TUBB4B: variants seen among roughly 807,000 people sequenced by gnomAD.
TUBB4B encodes the protein tubulin beta-4B chain.
Under a neutral mutation model 34.3 loss-of-function variants are expected in TUBB4B, and 7 were observed. The ratio of observed to expected loss-of-function variants is 0.20; its 90% CI spans 0.12 to 0.38. TUBB4B has a LOEUF of 0.38. Ranked by LOEUF, TUBB4B falls within the 10% of genes least tolerant of loss-of-function variation. TUBB4B has a pLI of 1.00. For synonymous variants in TUBB4B, 390 were observed against 250.2 expected (o/e 1.56, Z -5.27); for missense variants, 178 against 610.9 (o/e 0.29, Z 7.47).
chr9:137,242,752 A>C lies in TUBB4B; in HGVS notation c.534A>C (p.Thr178=). The C allele has an allele frequency of 6.2e-7, 1 of 1,613,862 alleles. No individual in the cohort carries two copies. Among genetic ancestry groups the C allele is most frequent in the Admixed American group, 1.7e-5 (1 of 60,032 alleles). The change falls in exon 4 of 4, where the codon ACA becomes ACC. Residue 178 remains threonine, a synonymous_variant. Transcript: ENST00000340384. ...SVVPSPKVSD[T]VVEPYNATLS... ...TGCCTTCGCCCAAAGTGTCAGACAC[A>C]GTGGTGGAGCCCTACAACGCCACCC...
At position 137,242,782 on chromosome 9, in the gene TUBB4B, A is replaced by G; in HGVS notation, c.564A>G (p.Ser188=). 1 of 1,613,908 alleles carries G rather than the reference A, an allele frequency of 6.2e-7. No individual in the cohort carries two copies. Among genetic ancestry groups the G allele is most frequent in the Non-Finnish European group, 8.5e-7 (1 of 1,180,026 alleles). The change falls in exon 4 of 4, where the codon TCA becomes TCG. Residue 188 remains serine (S), a synonymous_variant. Coordinates refer to ENST00000340384, the MANE Select transcript of TUBB4B (RefSeq NM_006088.6). ...TGGAGCCCTACAACGCCACCCTCTC[A>G]GTCCACCAGCTCGTAGAAAACACAG... ...TVVEPYNATL[S]VHQLVENTDE... is the part of the protein sequence containing the mutation.
rs763934738 is a variant in TUBB4B at position 137,243,562 on chromosome 9, T to C, written c.*6T>C. 3 of 1,613,700 alleles carry C rather than the reference T, an allele frequency of 1.9e-6. No homozygotes were observed. The highest frequency in any genetic ancestry group is 2.5e-6 in the Non-Finnish European group (3 of 1,179,746). On this transcript the variant is annotated 3_prime_UTR_variant, in exon 4 of 4. Transcript: ENST00000340384. ...CTGAGGAGGAGGTGGCCTAGAGCCT[T>C]CAGTCACTGGGGAAAGCAGGGAAGC... is the stretch of plus-strand genomic sequence containing the variant.
chr9:137,241,834 G>A lies in TUBB4B; in HGVS notation c.166+5G>A. On this transcript the variant is annotated splice_donor_5th_base_variant and intron_variant, in intron 2 of 3. Transcript: ENST00000340384. ...TGTACTACAATGAGGCCACCGGTGA[G>A]GCCCCGGCCCCTTCCCCGACCGCCC... 2 of 1,612,214 alleles carry A rather than the reference G, an allele frequency of 1.2e-6. No homozygotes were observed. Among genetic ancestry groups the A allele is most frequent in the Non-Finnish European group, 1.7e-6 (2 of 1,179,554 alleles).
chr9:137,241,778 G>A lies in TUBB4B; in HGVS notation c.115G>A (p.Asp39Asn), dbSNP rs1298680972. The A allele has an allele frequency of 1.2e-6, 2 of 1,612,352 alleles. No individual in the cohort carries two copies. Among genetic ancestry groups the A allele is most frequent in the Non-Finnish European group, 8.5e-7 (1 of 1,179,602 alleles). ...CGACCCCACGGGCACCTACCACGGG[G>A]ACAGCGACCTGCAGCTGGAACGCAT... ...GIDPTGTYHG[D>N]SDLQLERINV... Residue 39 changes from aspartate to asparagine, a missense_variant, in exon 2 of 4, where the codon GAC becomes AAC. Asp to Asn is a conservative substitution (Grantham distance 23). Transcript: ENST00000340384.
At chr9:137,242,042 G>C in intron 3 of TUBB4B, 21 bp downstream of exon 3, 1 of 1,607,286 alleles carries the variant, frequency 6.2e-7, no homozygotes, top group South Asian at 1.1e-5. Flanking sequence ...GCTGGGGACT[G>C]GGCGGCGGCT....
In TUBB4B at chr9:137,242,696, C is replaced by T; in HGVS notation, c.478C>T (p.Pro160Ser). The change falls in exon 4 of 4, where the codon CCA (proline) becomes TCA (serine). Residue 160 changes from proline to serine, a missense_variant. Transcript: ENST00000340384. ...LLISKIREEY[P>S]DRIMNTFSVV... ...CATCAGCAAGATCCGGGAGGAGTAC[C>T]CAGACAGGATCATGAACACGTTTAG... is the stretch of plus-strand genomic sequence containing the variant. 1 of 1,613,664 alleles carries T rather than the reference C, an allele frequency of 6.2e-7. No individual in the cohort carries two copies. Among genetic ancestry groups the T allele is most frequent in the Non-Finnish European group, 8.5e-7 (1 of 1,180,020 alleles).
Position 137,241,340 on chromosome 9 carries a change from C to CCCGCCGCCG in TUBB4B, c.-12_-4dup, listed in dbSNP as rs370341505. The CCCGCCGCCG allele has an allele frequency of 1.8e-5, 28 of 1,590,700 alleles. No homozygotes were observed. The highest frequency in any genetic ancestry group is 4.1e-5 in the African/African-American group (3 of 73,626). On this transcript the variant is annotated 5_prime_UTR_variant, in exon 1 of 4. Transcript: ENST00000340384. ...CTGTTTGTCTACTTCCTCCTGCTTC[C>CCCGCCGCCG]CCGCCGCCGCCGCCGCCATCATGAG...
intron 3 of TUBB4B, 33 bp from the exon 4 acceptor site, chr9:137,242,463 G>A (rs760232264): frequency 2.3e-5 from 36 of 1,598,988 alleles, no homozygotes; most frequent in Non-Finnish European, 3.1e-5. Flanking sequence ...CTGTCTACCT[G>A]GCTGACAAAT....
Position 137,243,023 on chromosome 9 carries a change from G to A in TUBB4B, c.805G>A (p.Gly269Ser). 1 of 1,612,872 alleles carries A rather than the reference G, an allele frequency of 6.2e-7. No individual in the cohort carries two copies. The highest frequency in any genetic ancestry group is 8.5e-7 in the Non-Finnish European group (1 of 1,180,022). Residue 269 changes from glycine to serine, a missense_variant, in exon 4 of 4, where the codon GGC becomes AGC. Gly to Ser is a moderately conservative substitution (Grantham distance 56). Coordinates refer to ENST00000340384, the MANE Select transcript of TUBB4B (RefSeq NM_006088.6). The part of the protein sequence containing the change: ...PFPRLHFFMP[G>S]FAPLTSRGSQ... The stretch of plus-strand genomic sequence containing the variant: ...TCCCCGGCTGCACTTCTTCATGCCC[G>A]GCTTTGCCCCACTGACCAGCCGGGG...
intron 3 of TUBB4B, 100 bp downstream of exon 3, chr9:137,242,121 C>T (rs571742816): frequency 2.4e-5 from 29 of 1,195,022 alleles, no homozygotes; most frequent in Admixed American, 1.0e-4. Flanking sequence ...TGGACGCCCT[C>T]CTCTTCTCTG....
chr9:137,242,776 C>T lies in TUBB4B; in HGVS notation c.558C>T (p.Thr186=), dbSNP rs139387946. 1.7e-5 allele frequency: 28 copies of T among 1,613,860 alleles called. No individual in the cohort carries two copies. The highest frequency in any genetic ancestry group is 1.2e-4 in the African/African-American group (9 of 75,040). The change falls in exon 4 of 4, where the codon ACC becomes ACT. Residue 186 remains threonine (T), a synonymous_variant. Coordinates refer to ENST00000340384, the MANE Select transcript of TUBB4B (RefSeq NM_006088.6). ...CAGTGGTGGAGCCCTACAACGCCAC[C>T]CTCTCAGTCCACCAGCTCGTAGAAA... is the stretch of plus-strand genomic sequence containing the variant. ...SDTVVEPYNA[T]LSVHQLVENT...
At chr9:137,242,421 C>A (rs1473881510) in intron 3 of TUBB4B, 75 bp from the exon 4 acceptor site, 3 of 1,536,500 alleles carry the variant, frequency 2.0e-6, no homozygotes, top group Admixed American at 1.8e-5. Context: ...CCATGTCACT[C>A]GGCTTTTTTC....
chr9:137,241,587 G>T (rs1836743438), intron 1 of TUBB4B, 134 bp from the exon 2 acceptor site: 3 of 696,484 alleles, frequency 4.3e-6, no homozygotes, highest in South Asian at 6.3e-5. Context: ...GAACCCGGCG[G>T]CCAGGGCGCG....
chr9:137,242,632 C>G lies in TUBB4B; in HGVS notation c.414C>G (p.Ser138=). ...DCLQGFQLTH[S]LGGGTGSGMG... Reference sequence around the variant, plus strand: ...TGCAGGGTTTCCAGCTGACCCACTCCCTGGGTGGGGGGACTGGGTCTGGGA... The same window carrying G: ...TGCAGGGTTTCCAGCTGACCCACTCGCTGGGTGGGGGGACTGGGTCTGGGA... The change falls in exon 4 of 4, where the codon TCC becomes TCG. Residue 138 remains serine (S), a synonymous_variant. Coordinates refer to ENST00000340384, the MANE Select transcript of TUBB4B (RefSeq NM_006088.6). The G allele has an allele frequency of 6.2e-7, 1 of 1,613,662 alleles. No homozygotes were observed.
intron 1 of TUBB4B, 102 bp from the exon 2 acceptor site, chr9:137,241,619 A>C (rs919490320): frequency 9.5e-6 from 5 of 527,320 alleles, no homozygotes; most frequent in Non-Finnish European, 1.2e-5. Context: ...AGGGGCGGGG[A>C]GGGCCGGGCT....
rs113210630 is a variant in TUBB4B at position 137,243,316 on chromosome 9, C to T, written c.1098C>T (p.Thr366=). 63 of 1,613,516 alleles carry T rather than the reference C, an allele frequency of 3.9e-5. No homozygotes were observed. The Middle Eastern group carries it at 1.2e-3, about 30-fold the overall frequency. ...IPPRGLKMSA[T]FIGNSTAIQE... ...CTCGGGGGCTAAAAATGTCCGCCAC[C>T]TTCATTGGCAACAGCACGGCCATCC... is the stretch of plus-strand genomic sequence containing the variant. Residue 366 remains threonine, a synonymous_variant, in exon 4 of 4, where the codon ACC becomes ACT. Coordinates refer to ENST00000340384, the MANE Select transcript of TUBB4B (RefSeq NM_006088.6).
intron 3 of TUBB4B, 140 bp from the exon 4 acceptor site, chr9:137,242,356 G>A (rs1836771596): frequency 2.8e-6 from 3 of 1,054,798 alleles, no homozygotes; most frequent in South Asian, 3.3e-5. Flanking sequence ...CCGTCTTTTG[G>A]CTTTGAAGGG....
chr9:137,241,580 C>G, intron 1 of TUBB4B, 141 bp from the exon 2 acceptor site: 1 of 800,098 alleles, frequency 1.2e-6, no homozygotes, highest in Non-Finnish European at 1.5e-6. Flanking sequence ...CCCCCAGGAA[C>G]CCGGCGGCCA....
Position 137,243,679 on chromosome 9 carries a change from G to A in TUBB4B, c.*123G>A, listed in dbSNP as rs938479558. On this transcript the variant is annotated 3_prime_UTR_variant, in exon 4 of 4. Coordinates refer to ENST00000340384, the MANE Select transcript of TUBB4B (RefSeq NM_006088.6). ...TCCCTGTCCACATCCATGCTGTACA[G>A]ACACCACCATTAAAGCATTTTCATA... The A allele has an allele frequency of 1.2e-6, 2 of 1,614,022 alleles. No individual in the cohort carries two copies. Among genetic ancestry groups the A allele is most frequent in the Non-Finnish European group, 1.7e-6 (2 of 1,180,024 alleles).
Sources: allele counts gnomAD v4.1 joint callset, GRCh38; gene constraint gnomAD v4.1.1; transcripts MANE v1.5; gene names NCBI Gene and HGNC (gene_info 2026-07-23, HGNC 2026-07-21).